The following PCDHGA9 variants were observed in gnomAD, a reference collection of about 807,000 sequenced individuals.
PCDHGA9 encodes protocadherin gamma subfamily A, 9, also known as protocadherin gamma-A9.
In PCDHGA9, 37 loss-of-function variants were observed where a neutral mutation model predicts 62.5. That is an observed-to-expected ratio of 0.59 (90% confidence interval 0.46 to 0.78). The LOEUF (loss-of-function observed/expected upper bound fraction) is 0.78. PCDHGA9 is among the 30% of genes least tolerant of loss of function. The probability of loss-of-function intolerance (pLI) is 0.00; values close to 1 mark genes in which losing one functional copy is unlikely to be tolerated. For synonymous variants in PCDHGA9, 459 were observed against 484.6 expected (o/e 0.95, Z 0.69); for missense variants, 1,138 against 1,166.2 (o/e 0.98, Z 0.35).
intron 1 of PCDHGA9, among the ~76,000 whole-genome samples, chr5:141,446,193 T>C (rs1402824950): frequency 6.6e-6 from 1 of 152,208 alleles, no homozygotes; most frequent in East Asian, 1.9e-4. Flanking sequence ...TTTATTATTA[T>C]ATTCCTAGGT....
chr5:141,450,010 T>A (rs2098664468), intron 1 of PCDHGA9, among the ~76,000 whole-genome samples: 1 of 135,330 alleles, frequency 7.4e-6, no homozygotes, highest in African/African-American at 3.3e-5. Flanking sequence ...ATGTCTCTTT[T>A]TTTTTTTTTT....
At position 141,512,346 on chromosome 5, in the gene PCDHGA9, G is replaced by A. The variant is rs1391003897; in HGVS notation, c.*1173G>A. ...CAGGCCATTCTTAGTCCCTGGGTTG[G>A]GGAGGCAGGGAGCTAGGGCAGGGAC... On this transcript the variant is annotated 3_prime_UTR_variant, in exon 4 of 4. Transcript: ENST00000573521. 6.5e-6 allele frequency: 1 copy of A among 152,876 alleles called. No individual in the cohort carries two copies. Among genetic ancestry groups the A allele is most frequent in the Non-Finnish European group, 1.5e-5 (1 of 68,232 alleles). 9.5% of individuals were successfully genotyped at this position (152,876 alleles called of 1,614,324 possible). A position where few individuals can be genotyped will look rare whatever the true frequency, so the allele number is the denominator to read the frequency against.
At chr5:141,419,034 T>C in intron 1 of PCDHGA9, 1 of 1,613,902 alleles carries the variant, frequency 6.2e-7, no homozygotes, top group Non-Finnish European at 8.5e-7. Flanking sequence ...GGTGTTCCAT[T>C]TAAGATTCAT....
At chr5:141,457,094 C>T (rs2098908295) in intron 1 of PCDHGA9, among the ~76,000 whole-genome samples, 1 of 152,154 alleles carries the variant, frequency 6.6e-6, no homozygotes, top group Non-Finnish European at 1.5e-5. Context: ...TATAAGGATA[C>T]TAATTAAGCA....
In PCDHGA9 at chr5:141,491,419, G is replaced by A. The variant is rs1422517367; in HGVS notation, c.2425-3388G>A. On this transcript the variant is annotated intron_variant, in intron 1 of 3. Coordinates refer to ENST00000573521, the MANE Select transcript of PCDHGA9 (RefSeq NM_018921.3). This position sits in a 1 kb window ranked among gnomAD's most constrained non-coding sequence, Gnocchi z 6.9. ...GGGAAACGCAGACGGGGACGGGGGT[G>A]GAGGGCAGTGCTGCAGGCGCCAGGA... 1 of 1,614,124 alleles carries A rather than the reference G, an allele frequency of 6.2e-7. No individual in the cohort carries two copies.
chr5:141,479,752 T>C (rs770200359), intron 1 of PCDHGA9: 4 of 152,236 alleles, frequency 2.6e-5, no homozygotes, highest in Non-Finnish European at 4.4e-5. Context: ...ATGTGAAAGG[T>C]AGATAAATTC....
Position 141,477,952 on chromosome 5 carries a change from A to T in PCDHGA9, c.2425-16855A>T, listed in dbSNP as rs907708638. ...CCTGGCTCTCCTACAGTCTCTTGGG[A>T]TCCCCTAACCAGAGCCTTTTTGCCA... On this transcript the variant is annotated intron_variant, in intron 1 of 3. Coordinates refer to ENST00000573521, the MANE Select transcript of PCDHGA9 (RefSeq NM_018921.3). This position sits in a 1 kb window ranked among gnomAD's most constrained non-coding sequence, Gnocchi z 4.9. The T allele has an allele frequency of 1.9e-6, 3 of 1,613,920 alleles. No individual in the cohort carries two copies. The African/African-American group carries it at 4.0e-5, about 22-fold the overall frequency.
At chr5:141,479,090 T>G (rs1424205731) in intron 1 of PCDHGA9, among the ~76,000 whole-genome samples, 2 of 152,244 alleles carry the variant, frequency 1.3e-5, no homozygotes, top group Non-Finnish European at 2.9e-5. Flanking sequence ...CCAGGCATCC[T>G]TTAAATTTTA....
chr5:141,452,848 G>A (rs1425590240), intron 1 of PCDHGA9, among the ~76,000 whole-genome samples: 9 of 152,128 alleles, frequency 5.9e-5, no homozygotes, highest in Non-Finnish European at 1.0e-4. Flanking sequence ...CCCACACTCT[G>A]GGGAGATGAT....
chr5:141,413,358 G>C, intron 1 of PCDHGA9: 1 of 1,613,972 alleles, frequency 6.2e-7, no homozygotes, highest in Non-Finnish European at 8.5e-7. Flanking sequence ...TGGCGCCCCG[G>C]GAGCTGGCGG....
chr5:141,496,467 T>A (rs1334392771), intron 2 of PCDHGA9, among the ~76,000 whole-genome samples: 1 of 152,056 alleles, frequency 6.6e-6, no homozygotes, highest in Non-Finnish European at 1.5e-5. Context: ...GAGTTATCTT[T>A]CCCCCATCCT....
In PCDHGA9 at chr5:141,477,453, A is replaced by T; in HGVS notation, c.2425-17354A>T. On this transcript the variant is annotated intron_variant, in intron 1 of 3. Transcript: ENST00000573521. This position sits in a 1 kb window ranked among gnomAD's most constrained non-coding sequence, Gnocchi z 4.9. Reference sequence around the variant, plus strand: ...TCAGCCCTTACAATAGTGCGTGTTCAAGTGTCCGACATCAATGACAACCCT... The same window carrying T: ...TCAGCCCTTACAATAGTGCGTGTTCTAGTGTCCGACATCAATGACAACCCT... The T allele has an allele frequency of 6.2e-7, 1 of 1,614,136 alleles. No homozygotes were observed. The highest frequency in any genetic ancestry group is 8.5e-7 in the Non-Finnish European group (1 of 1,180,026).
chr5:141,462,125 A>G (rs918645911), intron 1 of PCDHGA9, among the ~76,000 whole-genome samples: 24 of 151,688 alleles, frequency 1.6e-4, no homozygotes, highest in African/African-American at 5.6e-4. Flanking sequence ...ACCCAGTCCA[A>G]TTTTTTGTAT....
chr5:141,482,500 G>T (rs1409735210), intron 1 of PCDHGA9, among the ~76,000 whole-genome samples: 1 of 133,788 alleles, frequency 7.5e-6, no homozygotes, highest in Non-Finnish European at 1.5e-5. Flanking sequence ...TATCATTCTG[G>T]TACCCAGAGT....
intron 1 of PCDHGA9, among the ~76,000 whole-genome samples, chr5:141,447,975 A>G (rs1352829510): frequency 6.6e-6 from 1 of 151,928 alleles, no homozygotes; most frequent in Non-Finnish European, 1.5e-5. Flanking sequence ...AATCCCAGCT[A>G]CTCGGGAGGC....
At chr5:141,472,411 C>T (rs747412647) in intron 1 of PCDHGA9, among the ~76,000 whole-genome samples, 9 of 151,918 alleles carry the variant, frequency 5.9e-5, no homozygotes, top group Admixed American at 3.3e-4. Flanking sequence ...CGTGGTGGCA[C>T]GCACCTGTAT....
Position 141,499,370 on chromosome 5 carries a change from A to T in PCDHGA9, c.2483+4505A>T, listed in dbSNP as rs546430948. ...CATTCAACAAACAAATAGCAACTTA[A>T]TTTTTTTCCACTTATAAAATAGTAC... On this transcript the variant is annotated intron_variant, in intron 2 of 3. Coordinates refer to ENST00000573521, the MANE Select transcript of PCDHGA9 (RefSeq NM_018921.3). 2.0e-3 allele frequency among the ~76,000 whole-genome samples: 300 copies of T among 152,286 alleles called. 1 individual carries two copies. The highest frequency in any genetic ancestry group is 2.7e-3 in the Non-Finnish European group (184 of 68,028).
intron 1 of PCDHGA9, among the ~76,000 whole-genome samples, chr5:141,456,023 G>A (rs937523861): frequency 1.3e-5 from 2 of 151,586 alleles, no homozygotes; most frequent in South Asian, 2.1e-4. Context: ...TCAGCCTCCC[G>A]AGTAGCTGGG....
rs767425379 is a variant in PCDHGA9, at chr5:141,403,635, T to C, written c.683T>C (p.Ile228Thr). 1.1e-5 allele frequency: 18 copies of C among 1,613,902 alleles called. No individual in the cohort carries two copies. The South Asian group carries it at 1.8e-4, about 16-fold the overall frequency. Residue 228 changes from isoleucine (I) to threonine (T), a missense_variant, in exon 1 of 4, where the codon ATC becomes ACC. By Grantham distance (89) the Ile-to-Thr change is moderately conservative. Transcript: ENST00000573521. ...GEPRRSSTVRIHVTVLDTNDN... is the reference protein window; with the variant it reads ...GEPRRSSTVRTHVTVLDTNDN... ...CCGCGTCGCTCCAGCACAGTGCGCA[T>C]CCATGTGACAGTGTTGGATACAAAT... is the stretch of plus-strand genomic sequence containing the variant.
Sources: allele counts gnomAD v4.1 joint callset (sites outside exome capture counted in the v4.1 genomes callset), GRCh38; gene constraint gnomAD v4.1.1; non-coding constraint Gnocchi (gnomAD v3.1); transcripts MANE v1.5; gene names NCBI Gene and HGNC (gene_info 2026-07-23, HGNC 2026-07-21).